CADM2: variants seen among roughly 807,000 people sequenced by gnomAD.
The protein encoded by CADM2 is cell adhesion molecule 2.
Under a neutral mutation model 49.8 loss-of-function variants are expected in CADM2, and 12 were observed. The observed-to-expected ratio is 0.24, with a 90% confidence interval of 0.15 to 0.39. The LOEUF is 0.39. Among genes scored for constraint, CADM2 ranks in the 10% least tolerant of loss-of-function variants. The pLI is 1.00. For missense variants in CADM2, 378 were observed against 492.3 expected (o/e 0.77, Z 2.20); for synonymous variants, 214 against 175.4 (o/e 1.22, Z -1.74).
intron 5 of CADM2, among the ~76,000 whole-genome samples, chr3:85,899,328 T>C (rs960292459): frequency 1.3e-5 from 2 of 152,116 alleles, no homozygotes; most frequent in Non-Finnish European, 2.9e-5. Flanking sequence ...GAAATTTTTA[T>C]CTAACGCAAG....
At chr3:85,380,553 T>A (rs1011781094) in intron 1 of CADM2, among the ~76,000 whole-genome samples, 4 of 151,990 alleles carry the variant, frequency 2.6e-5, no homozygotes, top group Non-Finnish European at 5.9e-5. Context: ...TACAATGATA[T>A]ACTTGAAATA....
chr3:85,673,903 A>G (rs2065819248), intron 1 of CADM2, among the ~76,000 whole-genome samples: 1 of 152,202 alleles, frequency 6.6e-6, no homozygotes, highest in South Asian at 2.1e-4. Flanking sequence ...TAGGATTGCC[A>G]TTAAAAAATT....
chr3:85,702,823 C>G (rs1054170334), intron 1 of CADM2, among the ~76,000 whole-genome samples: 1 of 152,100 alleles, frequency 6.6e-6, no homozygotes. Flanking sequence ...GAGTGTTAAT[C>G]CATTGGAGTA....
chr3:85,739,698 C>T (rs2068298029), intron 2 of CADM2, among the ~76,000 whole-genome samples: 1 of 152,024 alleles, frequency 6.6e-6, no homozygotes, highest in Non-Finnish European at 1.5e-5. Flanking sequence ...AATATCAAAG[C>T]ATTTATAGTT....
intron 1 of CADM2, among the ~76,000 whole-genome samples, chr3:85,284,092 C>T (rs1454763914): frequency 1.3e-5 from 2 of 152,088 alleles, no homozygotes; most frequent in African/African-American, 2.4e-5. Flanking sequence ...ATTTTAAAAA[C>T]TCTGCCAGAT....
rs186588814 is a variant in CADM2 at position 84,966,243 on chromosome 3, G to A, written c.61+6575G>A. Among the ~76,000 whole-genome samples, 39 of 152,122 alleles carry A rather than the reference G, an allele frequency of 2.6e-4. 1 individual carries two copies. On this transcript the variant is annotated intron_variant, in intron 1 of 9. Coordinates refer to ENST00000383699, the MANE Select transcript of CADM2 (RefSeq NM_001167675.2). ...GTTAAATATTAATGTCAAAATCAGA[G>A]ATGTAATTATTGAGTATGGAAATAT...
intron 1 of CADM2, among the ~76,000 whole-genome samples, chr3:85,225,320 C>T (rs943139831): frequency 2.0e-5 from 3 of 152,084 alleles, no homozygotes; most frequent in Non-Finnish European, 2.9e-5. Context: ...CATTCACATC[C>T]CTTGTAAGTT....
chr3:85,285,255 T>C (rs572143560), intron 1 of CADM2, among the ~76,000 whole-genome samples: 2 of 152,244 alleles, frequency 1.3e-5, no homozygotes, highest in African/African-American at 4.8e-5. Flanking sequence ...AATTTCATTC[T>C]GCAGATGTAG....
intron 1 of CADM2, among the ~76,000 whole-genome samples, chr3:84,989,731 T>C (rs1404005160): frequency 2.0e-5 from 3 of 152,056 alleles, no homozygotes; most frequent in African/African-American, 7.2e-5. Flanking sequence ...AATTTGGATT[T>C]AATAGAACTA....
At chr3:85,582,565 A>G (rs753400443) in intron 1 of CADM2, among the ~76,000 whole-genome samples, 1 of 152,154 alleles carries the variant, frequency 6.6e-6, no homozygotes, top group Non-Finnish European at 1.5e-5. Context: ...GCCTTCTGGC[A>G]GTGTTCTTAC....
At chr3:85,235,894 A>G (rs2107824117) in intron 1 of CADM2, among the ~76,000 whole-genome samples, 1 of 152,212 alleles carries the variant, frequency 6.6e-6, no homozygotes, top group African/African-American at 2.4e-5. Flanking sequence ...AACCACACTA[A>G]AGCTCTTATT....
chr3:85,389,385 C>T (rs2034406111), intron 1 of CADM2, among the ~76,000 whole-genome samples: 1 of 152,020 alleles, frequency 6.6e-6, no homozygotes, highest in Non-Finnish European at 1.5e-5. Flanking sequence ...CTAGCAGTTG[C>T]AGAAAATATG....
At chr3:85,831,352 T>C (rs1349562247) in intron 3 of CADM2, among the ~76,000 whole-genome samples, 2 of 151,986 alleles carry the variant, frequency 1.3e-5, no homozygotes, top group Admixed American at 6.6e-5. Flanking sequence ...TACCCAGTAA[T>C]GGGATTGCTG....
chr3:85,087,779 T>C (rs894190320), intron 1 of CADM2, among the ~76,000 whole-genome samples: 2 of 152,220 alleles, frequency 1.3e-5, no homozygotes, highest in African/African-American at 4.8e-5. Flanking sequence ...AAATTCTATG[T>C]GTCTGCATAA....
At chr3:85,344,642 T>G (rs2030383660) in intron 1 of CADM2, among the ~76,000 whole-genome samples, 1 of 145,214 alleles carries the variant, frequency 6.9e-6, no homozygotes, top group South Asian at 2.1e-4. Context: ...ATCTTCTCTA[T>G]TTTTTTTTTG....
intron 8 of CADM2, among the ~76,000 whole-genome samples, chr3:86,056,390 T>C (rs530272018): frequency 6.6e-6 from 1 of 152,316 alleles, no homozygotes; most frequent in South Asian, 2.1e-4. Context: ...AAAATAGAAA[T>C]ACCATGTTCG....
At chr3:85,897,851 G>A (rs1242347091) in intron 5 of CADM2, among the ~76,000 whole-genome samples, 1 of 152,144 alleles carries the variant, frequency 6.6e-6, no homozygotes, top group African/African-American at 2.4e-5. Flanking sequence ...AGAAGAGGAA[G>A]AGATTTGTGT....
chr3:85,833,332 G>T (rs896218330), intron 3 of CADM2, among the ~76,000 whole-genome samples: 2 of 151,480 alleles, frequency 1.3e-5, no homozygotes, highest in African/African-American at 4.8e-5. Flanking sequence ...TGGCATCAGG[G>T]TGATGCTGGC....
intron 1 of CADM2, among the ~76,000 whole-genome samples, chr3:85,263,032 G>A (rs1010192569): frequency 5.3e-5 from 8 of 151,262 alleles, no homozygotes; most frequent in African/African-American, 1.2e-4. Flanking sequence ...TTGCTCTGTC[G>A]CCCAGGCTGT....
Sources: allele counts gnomAD v4.1 joint callset (sites outside exome capture counted in the v4.1 genomes callset), GRCh38; gene constraint gnomAD v4.1.1; transcripts MANE v1.5; gene names NCBI Gene and HGNC (gene_info 2026-07-23, HGNC 2026-07-21).